Variants in ACYP2 observed in about 807,000 individuals in gnomAD.
ACYP2 encodes acylphosphatase-2.
Under a neutral mutation model 11.2 loss-of-function variants are expected in ACYP2, and 12 were observed. That is an observed-to-expected ratio of 1.08 (90% confidence interval 0.69 to 1.74). The LOEUF (loss-of-function observed/expected upper bound fraction) is 1.74, where lower values mean the gene tolerates loss of function less well. Ranked by LOEUF, ACYP2 falls within the 40% of genes most tolerant of loss-of-function variation. The pLI is 0.00. For missense variants in ACYP2, 134 were observed against 101.9 expected (o/e 1.31, Z -1.35); for synonymous variants, 43 against 32.2 (o/e 1.33, Z -1.13).
At chr2:54,062,825 G>A (rs1429255089) in intron 4 of ACYP2, among the ~76,000 whole-genome samples, 1 of 152,198 alleles carries the variant, frequency 6.6e-6, no homozygotes, top group African/African-American at 2.4e-5. Context: ...CAGAGATTTT[G>A]CAGTTGAAGC....
At chr2:54,201,698 CTT>C (rs1364436921) in intron 6 of ACYP2, among the ~76,000 whole-genome samples, 5 of 138,678 alleles carry the variant, frequency 3.6e-5, no homozygotes, top group African/African-American at 1.4e-4. Flanking sequence ...CTCTCTCTCT[CTT>C]TTTTCTTTTC....
intron 2 of ACYP2, among the ~76,000 whole-genome samples, chr2:54,026,273 A>C (rs192567586): frequency 1.3e-5 from 2 of 152,370 alleles, no homozygotes; most frequent in Non-Finnish European, 2.9e-5. Context: ...ATGAATAGAC[A>C]GTTCTCAAAA....
chr2:54,216,430 AT>A (rs1685561550), intron 6 of ACYP2, among the ~76,000 whole-genome samples: 1 of 152,212 alleles, frequency 6.6e-6, no homozygotes, highest in African/African-American at 2.4e-5. Flanking sequence ...ATTATATTAA[AT>A]ATGAAGATTA....
At chr2:54,062,696 A>T (rs1676532491) in intron 4 of ACYP2, among the ~76,000 whole-genome samples, 1 of 152,240 alleles carries the variant, frequency 6.6e-6, no homozygotes, top group Non-Finnish European at 1.5e-5. Context: ...TTAGCTTTCT[A>T]CATGTATACC....
intron 6 of ACYP2, among the ~76,000 whole-genome samples, chr2:54,233,924 T>C (rs866418698): frequency 1.3e-5 from 2 of 152,240 alleles, no homozygotes; most frequent in African/African-American, 4.8e-5. Context: ...GTCAGCCATT[T>C]AGTCCATCCC....
intron 4 of ACYP2, among the ~76,000 whole-genome samples, chr2:54,103,617 A>T (rs1292527659): frequency 6.6e-6 from 1 of 152,224 alleles, no homozygotes; most frequent in African/African-American, 2.4e-5. Context: ...CTCTGATTTA[A>T]CTTCTGTGGC....
chr2:54,106,866 G>A (rs1017315446), intron 4 of ACYP2, among the ~76,000 whole-genome samples: 3 of 152,100 alleles, frequency 2.0e-5, no homozygotes, highest in African/African-American at 7.2e-5. Context: ...TTACAAGCGT[G>A]AGCCACCATG....
chr2:54,127,705 A>T (rs1680621314), intron 4 of ACYP2, among the ~76,000 whole-genome samples: 2 of 148,504 alleles, frequency 1.3e-5, no homozygotes. Context: ...CCGAGATCAC[A>T]CCATGCCACT....
chr2:54,145,051 T>C (rs1329439826), intron 6 of ACYP2, among the ~76,000 whole-genome samples: 1 of 152,168 alleles, frequency 6.6e-6, no homozygotes, highest in East Asian at 1.9e-4. Context: ...TAATTGTTCC[T>C]TCCTTGCTTT....
chr2:54,213,231 G>A (rs1685404217), intron 6 of ACYP2, among the ~76,000 whole-genome samples: 1 of 151,984 alleles, frequency 6.6e-6, no homozygotes, highest in Admixed American at 6.6e-5. Context: ...TAGCATAATG[G>A]CCTCCAGTTC....
intron 2 of ACYP2, among the ~76,000 whole-genome samples, chr2:53,991,886 C>T (rs1672315185): frequency 6.6e-6 from 1 of 152,024 alleles, no homozygotes; most frequent in African/African-American, 2.4e-5. Flanking sequence ...ACTGCAGACT[C>T]GAGCTCTTGG....
In ACYP2 at chr2:54,150,508, G is replaced by C. The variant is rs551877969; in HGVS notation, c.404+11760G>C. 3.3e-5 allele frequency among the ~76,000 whole-genome samples: 5 copies of C among 152,198 alleles called. No individual in the cohort carries two copies. The South Asian group carries it at 6.2e-4, about 19-fold the overall frequency. ...TGATACTCGGCTCATTGTAGTCTCT[G>C]CCTCCTGGGTTCAAGCAGTTCTCCT... is the stretch of plus-strand genomic sequence containing the variant. On this transcript the variant is annotated intron_variant, in intron 6 of 6. Transcript: ENST00000607452.
At chr2:54,270,413 T>G (rs1314965023) in intron 6 of ACYP2, among the ~76,000 whole-genome samples, 1 of 151,918 alleles carries the variant, frequency 6.6e-6, no homozygotes, top group Admixed American at 6.5e-5. Context: ...TTACTTTTTG[T>G]TTTTGTGTTT....
intron 6 of ACYP2, among the ~76,000 whole-genome samples, chr2:54,252,436 G>A (rs1168876483): frequency 6.6e-6 from 1 of 152,104 alleles, no homozygotes; most frequent in African/African-American, 2.4e-5. Flanking sequence ...CTAGATCAGA[G>A]GGTTCGCACT....
chr2:54,087,243 G>A (rs1387135571), intron 4 of ACYP2, among the ~76,000 whole-genome samples: 1 of 152,216 alleles, frequency 6.6e-6, no homozygotes. Flanking sequence ...TTGTACACAT[G>A]TCCAGACAAA....
chr2:54,041,590 T>C, intron 2 of ACYP2, among the ~76,000 whole-genome samples: 1 of 152,204 alleles, frequency 6.6e-6, no homozygotes, highest in East Asian at 1.9e-4. Context: ...CTTCACTAGT[T>C]GCATTTGGCT....
intron 4 of ACYP2, among the ~76,000 whole-genome samples, chr2:54,057,703 T>C (rs969248526): frequency 7.2e-5 from 11 of 152,132 alleles, no homozygotes; most frequent in African/African-American, 2.4e-4. Flanking sequence ...ATATATATGT[T>C]GTTAGCAAAA....
chr2:54,066,595 T>C (rs962974721), intron 4 of ACYP2, among the ~76,000 whole-genome samples: 2 of 152,210 alleles, frequency 1.3e-5, no homozygotes, highest in African/African-American at 4.8e-5. Context: ...AATCATCTGA[T>C]TTATCATTTG....
intron 6 of ACYP2, among the ~76,000 whole-genome samples, chr2:54,140,316 T>G (rs1326223110): frequency 6.6e-6 from 1 of 152,152 alleles, no homozygotes; most frequent in Non-Finnish European, 1.5e-5. Flanking sequence ...ACGGGGAGTA[T>G]GTGGAAGATA....
Sources: gnomAD v4.1 joint callset for allele counts (sites outside exome capture counted in the v4.1 genomes callset) on GRCh38, gnomAD v4.1.1 for gene constraint, MANE v1.5 for transcripts, NCBI Gene and HGNC (gene_info 2026-07-23, HGNC 2026-07-21) for gene names.